Variants in CCDC148 observed in about 807,000 individuals in gnomAD.
CCDC148 encodes coiled-coil domain-containing protein 148.
Under a neutral mutation model 85.7 loss-of-function variants are expected in CCDC148, and 89 were observed. The ratio of observed to expected loss-of-function variants is 1.04; its 90% CI spans 0.87 to 1.24. CCDC148 has a LOEUF of 1.24. Among genes scored for constraint, CCDC148 ranks in the 50% most tolerant of loss-of-function variants. The pLI is 0.00. For synonymous variants in CCDC148, 230 were observed against 213.9 expected (o/e 1.08, Z -0.66); for missense variants, 692 against 671.7 (o/e 1.03, Z -0.33).
At chr2:158,299,139 G>C (rs1226968209) in intron 9 of CCDC148, among the ~76,000 whole-genome samples, 1 of 151,982 alleles carries the variant, frequency 6.6e-6, no homozygotes, top group Non-Finnish European at 1.5e-5. Flanking sequence ...GCCTTTCTAG[G>C]GTTTCAACCG....
intron 9 of CCDC148, among the ~76,000 whole-genome samples, chr2:158,285,497 C>T (rs1690577228): frequency 1.3e-5 from 2 of 150,832 alleles, no homozygotes; most frequent in Admixed American, 1.3e-4. Context: ...TTCATACATA[C>T]ATATACTTCT....
intron 8 of CCDC148, among the ~76,000 whole-genome samples, chr2:158,310,100 C>T (rs1384385600): frequency 1.3e-5 from 2 of 152,282 alleles, no homozygotes; most frequent in East Asian, 3.9e-4. Flanking sequence ...TCTCTGGGTA[C>T]TTGAGATTAG....
chr2:158,350,862 C>T (rs959707992), intron 2 of CCDC148, among the ~76,000 whole-genome samples: 10 of 152,046 alleles, frequency 6.6e-5, no homozygotes, highest in Non-Finnish European at 1.2e-4. Context: ...GCACGGCCAT[C>T]GTCGTGTGCA....
At chr2:158,287,279 C>A (rs560211609) in intron 9 of CCDC148, among the ~76,000 whole-genome samples, 21 of 152,060 alleles carry the variant, frequency 1.4e-4, no homozygotes, top group Admixed American at 6.6e-5. Context: ...TGTCCCCTCC[C>A]AAATCTCATA....
At chr2:158,452,374 A>T (rs1001682828) in intron 1 of CCDC148, among the ~76,000 whole-genome samples, 19 of 152,232 alleles carry the variant, frequency 1.2e-4, no homozygotes, top group African/African-American at 4.3e-4. Flanking sequence ...ATTTCCAAGT[A>T]GATCCTTTCC....
intron 2 of CCDC148, among the ~76,000 whole-genome samples, chr2:158,353,704 A>C (rs1378644761): frequency 6.6e-6 from 1 of 152,178 alleles, no homozygotes; most frequent in Non-Finnish European, 1.5e-5. Flanking sequence ...CAGGAATTGA[A>C]CTCAGCTCTG....
intron 7 of CCDC148, among the ~76,000 whole-genome samples, chr2:158,333,710 G>A (rs1047976226): frequency 1.3e-5 from 2 of 152,102 alleles, no homozygotes; most frequent in African/African-American, 4.8e-5. Flanking sequence ...TGTATTGGGT[G>A]CATATATATT....
chr2:158,269,595 A>C (rs976548275), intron 9 of CCDC148, among the ~76,000 whole-genome samples: 9 of 152,194 alleles, frequency 5.9e-5, no homozygotes. Flanking sequence ...TGATGAGTAC[A>C]TGTTTCTCTC....
intron 1 of CCDC148, among the ~76,000 whole-genome samples, chr2:158,361,682 C>T (rs1045884059): frequency 2.0e-5 from 3 of 152,086 alleles, no homozygotes; most frequent in African/African-American, 7.2e-5. Context: ...AAGCACTAAA[C>T]ATGGAAAGGA....
chr2:158,365,490 G>A (rs1481927967), intron 1 of CCDC148, among the ~76,000 whole-genome samples: 3 of 152,164 alleles, frequency 2.0e-5, no homozygotes, highest in East Asian at 1.9e-4. Flanking sequence ...AAAAGGATAA[G>A]TTCATGTCCT....
At chr2:158,312,891 A>G (rs916334326) in intron 8 of CCDC148, among the ~76,000 whole-genome samples, 1 of 152,140 alleles carries the variant, frequency 6.6e-6, no homozygotes, top group African/African-American at 2.4e-5. Context: ...TCATCTAAGG[A>G]TGGGAATAGT....
chr2:158,423,133 A>G (rs1686889159), intron 1 of CCDC148, among the ~76,000 whole-genome samples: 2 of 152,216 alleles, frequency 1.3e-5, no homozygotes, highest in Non-Finnish European at 2.9e-5. Flanking sequence ...AAGAATCAAT[A>G]TCGTGAAAAT....
chr2:158,402,787 A>G (rs1685840146), intron 1 of CCDC148, among the ~76,000 whole-genome samples: 1 of 152,084 alleles, frequency 6.6e-6, no homozygotes, highest in Non-Finnish European at 1.5e-5. Flanking sequence ...AACTTTGCCA[A>G]GGTATTTCCA....
chr2:158,218,084 T>G (rs7571695), intron 11 of CCDC148, among the ~76,000 whole-genome samples: 80,467 of 152,050 alleles, frequency 0.53, 23,865 homozygotes, highest in East Asian at 0.72. Flanking sequence ...AAAATTTTTC[T>G]GAGAATTATA....
chr2:158,181,124 A>G (rs1684880917), intron 11 of CCDC148, among the ~76,000 whole-genome samples: 1 of 152,166 alleles, frequency 6.6e-6, no homozygotes, highest in Non-Finnish European at 1.5e-5. Flanking sequence ...CTGGGATTTG[A>G]CAATTACCAT....
intron 11 of CCDC148, among the ~76,000 whole-genome samples, chr2:158,208,186 A>T (rs969326534): frequency 2.0e-5 from 3 of 152,190 alleles, no homozygotes; most frequent in Admixed American, 2.0e-4. Flanking sequence ...TGAGACTTTA[A>T]GTTTATTCCC....
intron 9 of CCDC148, among the ~76,000 whole-genome samples, chr2:158,282,320 A>G (rs1291380014): frequency 6.6e-6 from 1 of 152,220 alleles, no homozygotes; most frequent in Non-Finnish European, 1.5e-5. Flanking sequence ...TTCAATTAGG[A>G]AAAGAGGAAG....
In CCDC148 at chr2:158,271,174, G is replaced by T. The variant is rs75677006; in HGVS notation, c.1111-20262C>A. Among the ~76,000 whole-genome samples, 1,123 of 151,972 alleles carry T rather than the reference G, an allele frequency of 7.4e-3. 18 individuals are homozygous for T. Among genetic ancestry groups the T allele is most frequent in the African/African-American group, 0.026 (1,071 of 41,450 alleles). On this transcript the variant is annotated intron_variant, in intron 9 of 13. Coordinates refer to ENST00000283233, the MANE Select transcript of CCDC148 (RefSeq NM_138803.4). The stretch of plus-strand genomic sequence containing the variant: ...AGATTTAATGAAGAAGATTTTGGGG[G>T]GGTTAATAAGCTACTTTGAGGCTTT...
At chr2:158,341,684 A>C (rs932069341) in intron 3 of CCDC148, among the ~76,000 whole-genome samples, 1 of 152,138 alleles carries the variant, frequency 6.6e-6, no homozygotes, top group African/African-American at 2.4e-5. Flanking sequence ...GCATCCAAAA[A>C]TATTATAGCC....
Sources: allele counts gnomAD v4.1 joint callset (sites outside exome capture counted in the v4.1 genomes callset), GRCh38; gene constraint gnomAD v4.1.1; transcripts MANE v1.5; gene names NCBI Gene and HGNC (gene_info 2026-07-23, HGNC 2026-07-21).